The following FAM135A variants were observed in gnomAD, a reference collection of about 807,000 sequenced individuals.
The protein encoded by FAM135A is protein FAM135A.
FAM135A carries 79 observed loss-of-function variants against 146.8 expected under a neutral mutation model. The observed-to-expected ratio is 0.54, with a 90% CI of 0.45 to 0.65. The LOEUF is 0.65. Among genes scored for constraint, FAM135A ranks in the 30% least tolerant of loss-of-function variants. FAM135A has a pLI of 0.00. For missense variants in FAM135A, 1,623 were observed against 1,758.2 expected (o/e 0.92, Z 1.38); for synonymous variants, 562 against 603.6 (o/e 0.93, Z 1.01).
At chr6:70,507,534 A>G (rs2128279480) in intron 12 of FAM135A, among the ~76,000 whole-genome samples, 1 of 152,296 alleles carries the variant, frequency 6.6e-6, no homozygotes, top group South Asian at 2.1e-4. Context: ...TTGTGAAGCA[A>G]AGAGTTGGAC....
chr6:70,444,372 C>G (rs1350879206), intron 4 of FAM135A, among the ~76,000 whole-genome samples: 1 of 151,970 alleles, frequency 6.6e-6, no homozygotes, highest in Non-Finnish European at 1.5e-5. Flanking sequence ...CACTACACTC[C>G]AGCCTGGGTG....
intron 15 of FAM135A, 27 bp downstream of exon 15, chr6:70,526,725 G>T (rs1794758769): frequency 2.0e-6 from 3 of 1,519,212 alleles, no homozygotes; most frequent in African/African-American, 2.8e-5. Context: ...AATAGTACCT[G>T]CTGCTAAATA....
chr6:70,525,874 T>A lies in FAM135A; in HGVS notation c.2790T>A (p.Thr930=). ...PLQFVFSDEE[T]SSDVKSSCSS... Reference sequence around the variant, plus strand: ...AATTTGTTTTTTCAGATGAAGAGACTTCCAGTGATGTGAAAAGTAGTTGCA... The same window carrying A: ...AATTTGTTTTTTCAGATGAAGAGACATCCAGTGATGTGAAAAGTAGTTGCA... Residue 930 remains threonine, a synonymous_variant, in exon 15 of 22, where the codon ACT becomes ACA. Transcript: ENST00000418814. 1 of 1,612,656 alleles carries A rather than the reference T, an allele frequency of 6.2e-7. No individual in the cohort carries two copies. Among genetic ancestry groups the A allele is most frequent in the African/African-American group, 1.3e-5 (1 of 74,954 alleles).
chr6:70,491,290 A>C (rs549142638), intron 11 of FAM135A, among the ~76,000 whole-genome samples: 1 of 152,138 alleles, frequency 6.6e-6, no homozygotes, highest in East Asian at 1.9e-4. Context: ...AAAGTATATT[A>C]TTCTTCATAT....
intron 20 of FAM135A, among the ~76,000 whole-genome samples, chr6:70,555,522 A>G (rs887696074): frequency 5.9e-5 from 9 of 152,030 alleles, no homozygotes; most frequent in Non-Finnish European, 1.0e-4. Flanking sequence ...CAAAGTTCTG[A>G]GATTACAGGC....
At chr6:70,478,666 T>C (rs1582419128) in intron 8 of FAM135A, among the ~76,000 whole-genome samples, 1 of 151,888 alleles carries the variant, frequency 6.6e-6, no homozygotes, top group South Asian at 2.1e-4. Flanking sequence ...TAGTTCCTTT[T>C]AGAGCACCAG....
chr6:70,485,837 G>A (rs1333337028), intron 10 of FAM135A, among the ~76,000 whole-genome samples: 1 of 152,076 alleles, frequency 6.6e-6, no homozygotes, highest in Non-Finnish European at 1.5e-5. Flanking sequence ...CTGGAATTAG[G>A]TTTGGGCAAG....
At chr6:70,513,548 A>G (rs1306575919) in intron 12 of FAM135A, among the ~76,000 whole-genome samples, 2 of 151,704 alleles carry the variant, frequency 1.3e-5, no homozygotes, top group Non-Finnish European at 2.9e-5. Context: ...TAGACCTTCA[A>G]TTTCTCTAAA....
At chr6:70,559,160 G>A (rs1215712375) in intron 21 of FAM135A, among the ~76,000 whole-genome samples, 1 of 151,938 alleles carries the variant, frequency 6.6e-6, no homozygotes, top group Non-Finnish European at 1.5e-5. Flanking sequence ...CCAAATTTCG[G>A]CTGGGCGCAG....
chr6:70,525,571 T>C lies in FAM135A; in HGVS notation c.2487T>C (p.Ala829=), dbSNP rs745978400. 4 of 1,613,622 alleles carry C rather than the reference T, an allele frequency of 2.5e-6. No individual in the cohort carries two copies. The highest frequency in any genetic ancestry group is 1.1e-5 in the South Asian group (1 of 91,066). ...ATCATTGTACTGAGAGTACAAGTGC[T>C]ATAAGTGAAATACAGTCATCTTTGA... The part of the protein sequence containing the change: ...LGNHCTESTS[A]ISEIQSSLTS... The change falls in exon 15 of 22, where the codon GCT becomes GCC. Residue 829 remains alanine (A), a synonymous_variant. Transcript: ENST00000418814.
intron 4 of FAM135A, among the ~76,000 whole-genome samples, chr6:70,435,528 G>GT (rs1025564876): frequency 1.5e-4 from 22 of 150,626 alleles, no homozygotes; most frequent in African/African-American, 3.9e-4. Flanking sequence ...TTTGTTTTTT[G>GT]TTTTTTTTGA....
intron 2 of FAM135A, among the ~76,000 whole-genome samples, chr6:70,425,736 C>T (rs928759703): frequency 6.6e-6 from 1 of 152,302 alleles, no homozygotes; most frequent in Admixed American, 6.5e-5. Context: ...TACATATATG[C>T]ATACATGCAC....
intron 12 of FAM135A, among the ~76,000 whole-genome samples, chr6:70,514,706 T>C (rs1791800048): frequency 7.3e-6 from 1 of 136,522 alleles, no homozygotes; most frequent in South Asian, 2.2e-4. Context: ...AAACTTCTAA[T>C]TGATGATTCC....
intron 2 of FAM135A, among the ~76,000 whole-genome samples, chr6:70,421,681 A>G (rs1008824130): frequency 1.3e-5 from 2 of 152,156 alleles, no homozygotes; most frequent in Non-Finnish European, 2.9e-5. Context: ...CTGGATTCTC[A>G]CTTAGTGACC....
intron 11 of FAM135A, among the ~76,000 whole-genome samples, chr6:70,494,762 T>G (rs1786841217): frequency 6.6e-6 from 1 of 152,108 alleles, no homozygotes; most frequent in Non-Finnish European, 1.5e-5. Context: ...GGAATAAAAT[T>G]AATAAGTACT....
intron 4 of FAM135A, among the ~76,000 whole-genome samples, chr6:70,438,463 C>G (rs1252622383): frequency 3.3e-5 from 5 of 152,180 alleles, no homozygotes; most frequent in Admixed American, 2.6e-4. Context: ...CTCTTCGTCC[C>G]TCTCAGGACA....
chr6:70,540,318 C>CTTT (rs1190614826), intron 20 of FAM135A, among the ~76,000 whole-genome samples: 1,156 of 81,628 alleles, frequency 0.014, 11 homozygotes, highest in East Asian at 0.026. Context: ...ATTCCTGCTA[C>CTTT]TTTTTTTTTT....
At chr6:70,483,187 A>G (rs975601106) in intron 10 of FAM135A, among the ~76,000 whole-genome samples, 2 of 152,168 alleles carry the variant, frequency 1.3e-5, no homozygotes, top group Admixed American at 6.5e-5. Flanking sequence ...AATGCTGGCT[A>G]TTGTGCCACT....
chr6:70,471,906 G>A (rs1245121954), intron 5 of FAM135A, among the ~76,000 whole-genome samples: 2 of 152,142 alleles, frequency 1.3e-5, no homozygotes, highest in Admixed American at 1.3e-4. Flanking sequence ...TAGCTATTGA[G>A]TTCACCAACA....
Sources: allele counts gnomAD v4.1 joint callset (sites outside exome capture counted in the v4.1 genomes callset), GRCh38; gene constraint gnomAD v4.1.1; transcripts MANE v1.5; gene names NCBI Gene and HGNC (gene_info 2026-07-23, HGNC 2026-07-21).